The following BABAM2 variants were observed in gnomAD, a reference collection of about 807,000 sequenced individuals.
The protein encoded by BABAM2 is BRISC and BRCA1-A complex member 2.
Under a neutral mutation model 54.7 loss-of-function variants are expected in BABAM2, and 31 were observed. The ratio of observed to expected loss-of-function variants is 0.57; its 90% confidence interval spans 0.43 to 0.77. BABAM2 has a LOEUF of 0.77. Ranked by LOEUF, BABAM2 falls within the 30% of genes least tolerant of loss-of-function variation. BABAM2 has a pLI of 0.00. For synonymous variants in BABAM2, 167 were observed against 162.9 expected, an observed-to-expected ratio of 1.03 and a Z score of -0.19; for missense variants, 364 against 455.8, an observed-to-expected ratio of 0.80 and a Z score of 1.83.
chr2:28,212,165 G>A (rs1194421332), intron 7 of BABAM2, among the ~76,000 whole-genome samples: 2 of 152,030 alleles, frequency 1.3e-5, no homozygotes, highest in Non-Finnish European at 2.9e-5. Context: ...CCTGTTAGTT[G>A]GAATAGCTTG....
At chr2:28,198,858 C>T (rs1388102139) in intron 7 of BABAM2, among the ~76,000 whole-genome samples, 1 of 152,108 alleles carries the variant, frequency 6.6e-6, no homozygotes, top group Non-Finnish European at 1.5e-5. Context: ...TTTTTAATGC[C>T]TTACCTGTAT....
At chr2:28,262,345 T>C (rs191060788) in intron 10 of BABAM2, among the ~76,000 whole-genome samples, 1 of 152,164 alleles carries the variant, frequency 6.6e-6, no homozygotes, top group Non-Finnish European at 1.5e-5. Context: ...GTGGCATATA[T>C]TTGCTTTTAT....
At chr2:28,112,082 A>ACTCTTT in intron 6 of BABAM2, among the ~76,000 whole-genome samples, 1 of 78,816 alleles carries the variant, frequency 1.3e-5, no homozygotes, top group South Asian at 4.2e-4. Flanking sequence ...GATACCCATT[A>ACTCTTT]CTCTTTCTTT....
intron 4 of BABAM2, among the ~76,000 whole-genome samples, chr2:28,014,705 A>C (rs1276892929): frequency 6.7e-6 from 1 of 148,244 alleles, no homozygotes. Context: ...TGCATTTTAC[A>C]TGCTAAATAT....
intron 3 of BABAM2, among the ~76,000 whole-genome samples, chr2:27,938,324 C>G (rs536003743): frequency 4.6e-5 from 7 of 152,038 alleles, no homozygotes; most frequent in Non-Finnish European, 8.8e-5. Flanking sequence ...TACAAACACA[C>G]TTAATTGAAA....
At chr2:28,022,923 G>A (rs1168527602) in intron 4 of BABAM2, among the ~76,000 whole-genome samples, 1 of 152,088 alleles carries the variant, frequency 6.6e-6, no homozygotes, top group Non-Finnish European at 1.5e-5. Flanking sequence ...TATATCTTCT[G>A]TTTTCTCCCC....
At chr2:28,067,300 T>C (rs1663692572) in intron 6 of BABAM2, among the ~76,000 whole-genome samples, 1 of 152,204 alleles carries the variant, frequency 6.6e-6, no homozygotes. Flanking sequence ...GATAGTTAGA[T>C]ACTCAGATCT....
intron 2 of BABAM2, among the ~76,000 whole-genome samples, chr2:27,918,530 A>G (rs894194727): frequency 6.6e-6 from 1 of 152,056 alleles, no homozygotes; most frequent in African/African-American, 2.4e-5. Flanking sequence ...CCATTCATCC[A>G]TGGATGGACA....
At chr2:28,221,677 T>C (rs1040631975) in intron 7 of BABAM2, among the ~76,000 whole-genome samples, 1 of 152,186 alleles carries the variant, frequency 6.6e-6, no homozygotes, top group Non-Finnish European at 1.5e-5. Flanking sequence ...AGCTCCCCTG[T>C]TGTTGATTGA....
In BABAM2 at chr2:28,279,178, C is replaced by G. The variant is rs527865472; in HGVS notation, c.935-19160C>G. On this transcript the variant is annotated intron_variant, in intron 10 of 11. Transcript: ENST00000379624. ...CCTCTGAGCAAAGAGGTTCTGCTGC[C>G]TGAGTGGCCCCTTGGAGCCACTGAG... Among the ~76,000 whole-genome samples the G allele has an allele frequency of 2.6e-3, 391 of 152,250 alleles. 3 individuals are homozygous for G. Among genetic ancestry groups the G allele is most frequent in the African/African-American group, 8.9e-3 (370 of 41,542 alleles).
At chr2:27,987,258 A>G (rs986028622) in intron 3 of BABAM2, among the ~76,000 whole-genome samples, 57 of 152,314 alleles carry the variant, frequency 3.7e-4, no homozygotes, top group African/African-American at 1.3e-3. Flanking sequence ...GTTTTTGTGA[A>G]CTATAAGCCA....
intron 6 of BABAM2, among the ~76,000 whole-genome samples, chr2:28,051,054 T>C (rs1204442483): frequency 6.6e-6 from 1 of 152,218 alleles, no homozygotes; most frequent in Non-Finnish European, 1.5e-5. Context: ...TGGGTTATCA[T>C]GGTAAGAGCT....
At chr2:27,991,087 A>G (rs1211356379) in intron 4 of BABAM2, among the ~76,000 whole-genome samples, 2 of 152,196 alleles carry the variant, frequency 1.3e-5, no homozygotes, top group African/African-American at 2.4e-5. Flanking sequence ...TCATTGAGCT[A>G]GGACATTAAT....
At chr2:28,068,527 G>A (rs7588781) in intron 6 of BABAM2, among the ~76,000 whole-genome samples, 10,226 of 152,194 alleles carry the variant, frequency 0.067, 524 homozygotes, top group African/African-American at 0.14. Context: ...TAATTGTGAA[G>A]ATGGTGAAAA....
At chr2:28,152,488 G>A (rs184604523) in intron 7 of BABAM2, among the ~76,000 whole-genome samples, 15 of 152,308 alleles carry the variant, frequency 9.8e-5, no homozygotes, top group African/African-American at 3.4e-4. Flanking sequence ...AGGGGAAATT[G>A]CAGGAGCTGA....
intron 4 of BABAM2, among the ~76,000 whole-genome samples, chr2:28,013,568 G>A (rs1010619235): frequency 6.8e-6 from 1 of 147,748 alleles, no homozygotes. Context: ...GTCATATTCT[G>A]TATTGACATG....
chr2:28,164,441 C>G, intron 7 of BABAM2, among the ~76,000 whole-genome samples: 1 of 151,908 alleles, frequency 6.6e-6, no homozygotes, highest in Non-Finnish European at 1.5e-5. Flanking sequence ...ACACACAGGC[C>G]GCAGAGCCTG....
At chr2:28,295,158 A>G (rs545252119) in intron 10 of BABAM2, among the ~76,000 whole-genome samples, 11 of 152,374 alleles carry the variant, frequency 7.2e-5, no homozygotes, top group Non-Finnish European at 1.5e-4. Context: ...ATTTTTTAGC[A>G]TATTAAAATA....
chr2:28,327,006 T>C (rs1690522263), intron 11 of BABAM2, among the ~76,000 whole-genome samples: 1 of 152,234 alleles, frequency 6.6e-6, no homozygotes, highest in African/African-American at 2.4e-5. Flanking sequence ...TTTATTGAGC[T>C]GGTGAGTGTT....
Sources: gnomAD v4.1 joint callset for allele counts (sites outside exome capture counted in the v4.1 genomes callset) on GRCh38, gnomAD v4.1.1 for gene constraint, MANE v1.5 for transcripts, NCBI Gene and HGNC (gene_info 2026-07-23, HGNC 2026-07-21) for gene names.